Variants in PTPN13 observed in about 807,000 individuals in gnomAD.
The protein encoded by PTPN13 is protein tyrosine phosphatase non-receptor type 13.
PTPN13 carries 191 observed loss-of-function variants against 284.0 expected under a neutral mutation model. That is an observed-to-expected ratio of 0.67 (90% CI 0.60 to 0.76). PTPN13 has a LOEUF of 0.76. PTPN13 is among the 30% of genes least tolerant of loss of function. PTPN13 has a pLI of 0.00. For missense variants in PTPN13, 2,797 were observed against 2,939.9 expected (o/e 0.95, Z 1.12); for synonymous variants, 986 against 1,022.3 (o/e 0.96, Z 0.68).
intron 44 of PTPN13, 54 bp from the exon 45 acceptor site, chr4:86,807,506 C>T (rs1257139632): frequency 5.9e-6 from 8 of 1,360,734 alleles, no homozygotes; most frequent in Non-Finnish European, 7.1e-6. Flanking sequence ...TTGTAAGACT[C>T]TTGTTTAAAA....
intron 17 of PTPN13, 27 bp from the exon 18 acceptor site, chr4:86,750,443 A>C (rs368705447): frequency 1.0e-5 from 16 of 1,572,940 alleles, no homozygotes; most frequent in African/African-American, 1.4e-5. Context: ...CGTTACCATC[A>C]TGTAAAGCAA....
At chr4:86,810,976 T>A in intron 46 of PTPN13, 70 bp from the exon 47 acceptor site, 1 of 1,464,880 alleles carries the variant, frequency 6.8e-7, no homozygotes, top group Non-Finnish European at 9.5e-7. Flanking sequence ...AAGCCTCCCC[T>A]CTGTGATCCT....
intron 23 of PTPN13, among the ~76,000 whole-genome samples, chr4:86,759,645 CAG>C (rs1738431543): frequency 6.6e-6 from 1 of 152,150 alleles, no homozygotes; most frequent in Admixed American, 6.6e-5. Context: ...CAGTGGGAAA[CAG>C]GGAGGGTTGC....
chr4:86,655,373 C>A (rs193149465), intron 2 of PTPN13, among the ~76,000 whole-genome samples: 1 of 152,222 alleles, frequency 6.6e-6, no homozygotes, highest in Non-Finnish European at 1.5e-5. Context: ...TTTGCAGTGG[C>A]TGGTACCGGT....
intron 12 of PTPN13, among the ~76,000 whole-genome samples, chr4:86,733,489 T>A (rs1578525180): frequency 6.6e-6 from 1 of 152,284 alleles, no homozygotes; most frequent in African/African-American, 2.4e-5. Context: ...CCTAAAACTC[T>A]ATAAGCTCTT....
chr4:86,681,063 G>A (rs1728850443), intron 3 of PTPN13, among the ~76,000 whole-genome samples: 2 of 151,904 alleles, frequency 1.3e-5, no homozygotes, highest in South Asian at 4.2e-4. Context: ...CAGGGAATAT[G>A]CACAATGATA....
intron 1 of PTPN13, among the ~76,000 whole-genome samples, chr4:86,613,633 CAAAA>C (rs544971012): frequency 1.1e-4 from 7 of 61,526 alleles, no homozygotes; most frequent in African/African-American, 1.7e-4. Flanking sequence ...GACTCCGTCT[CAAAA>C]AAAAAAAAAA....
chr4:86,787,661 A>T lies in PTPN13; in HGVS notation c.6345+1725A>T, dbSNP rs565908388. Among the ~76,000 whole-genome samples the T allele has an allele frequency of 9.2e-5, 14 of 152,300 alleles. No individual in the cohort carries two copies. In the South Asian group the frequency reaches 2.9e-3, roughly 32 times the overall value. On this transcript the variant is annotated intron_variant, in intron 40 of 47. Transcript: ENST00000411767. ...TCATCTGAGGTAGCTATTGTTAAAA[A>T]TTTTGATTTCTACCTTTCCACTGTG...
intron 2 of PTPN13, among the ~76,000 whole-genome samples, chr4:86,639,881 T>C (rs975587053): frequency 6.6e-6 from 1 of 151,944 alleles, no homozygotes; most frequent in African/African-American, 2.4e-5. Context: ...AATAAGCAAC[T>C]CTGGGGGTGC....
chr4:86,750,630 C>T lies in PTPN13; in HGVS notation c.2811C>T (p.Cys937=). 6.2e-7 allele frequency: 1 copy of T among 1,613,950 alleles called. No homozygotes were observed. The highest frequency in any genetic ancestry group is 8.5e-7 in the Non-Finnish European group (1 of 1,179,876). The change falls in exon 18 of 48, where the codon TGC becomes TGT. Residue 937 remains cysteine, a synonymous_variant. Transcript: ENST00000411767. The part of the protein sequence containing the change: ...VQAEILKRLS[C]SELSLYQPLQ... ...CTGAGATTCTGAAGAGGCTATCCTG[C>T]TCAGAGCTGTCGCTTTACCAGCCAT... is the stretch of plus-strand genomic sequence containing the variant.
At chr4:86,640,711 G>A (rs1723688465) in intron 2 of PTPN13, among the ~76,000 whole-genome samples, 1 of 152,076 alleles carries the variant, frequency 6.6e-6, no homozygotes, top group Non-Finnish European at 1.5e-5. Flanking sequence ...GTACCTAAGG[G>A]TTTTTCCTTG....
intron 1 of PTPN13, among the ~76,000 whole-genome samples, chr4:86,626,524 T>C (rs1005736881): frequency 1.3e-5 from 2 of 152,126 alleles, no homozygotes; most frequent in African/African-American, 4.8e-5. Flanking sequence ...TACTACCTGA[T>C]CTATAACTAC....
chr4:86,708,039 T>C (rs1565376814), intron 7 of PTPN13, among the ~76,000 whole-genome samples: 1 of 152,204 alleles, frequency 6.6e-6, no homozygotes, highest in African/African-American at 2.4e-5. Context: ...TTTAGACCAG[T>C]ATTGTCCAAC....
At chr4:86,630,123 A>T (rs905923074) in intron 1 of PTPN13, among the ~76,000 whole-genome samples, 1 of 152,112 alleles carries the variant, frequency 6.6e-6, no homozygotes, top group African/African-American at 2.4e-5. Flanking sequence ...ACATGCAGAA[A>T]ATTTCAAGGG....
chr4:86,628,576 T>G (rs1353101998), intron 1 of PTPN13, among the ~76,000 whole-genome samples: 2 of 140,548 alleles, frequency 1.4e-5, no homozygotes, highest in Admixed American at 7.3e-5. Context: ...TATGTATACA[T>G]GTGCCATGCT....
intron 1 of PTPN13, among the ~76,000 whole-genome samples, chr4:86,629,815 G>A (rs931314359): frequency 6.6e-6 from 1 of 151,876 alleles, no homozygotes; most frequent in Non-Finnish European, 1.5e-5. Flanking sequence ...CTGGAGTGGA[G>A]TGGTGCAATT....
Position 86,814,457 on chromosome 4 carries a change from A to T in PTPN13, c.7364A>T (p.Asp2455Val). 1 of 1,605,924 alleles carries T rather than the reference A, an allele frequency of 6.2e-7. No individual in the cohort carries two copies. Among genetic ancestry groups the T allele is most frequent in the Non-Finnish European group, 8.5e-7 (1 of 1,173,842 alleles). The part of the protein sequence containing the change: ...LQRHGMVQTE[D>V]QYIFCYQVIL... ...CTATCTCACTTTTTTTGGCCATAGGATCAATATATTTTCTGCTATCAAGTC... is the reference window on the plus strand; with the variant it reads ...CTATCTCACTTTTTTTGGCCATAGGTTCAATATATTTTCTGCTATCAAGTC... The change falls in exon 48 of 48, where the codon GAT (aspartate) becomes GTT (valine). Residue 2455 changes from aspartate (D) to valine (V), a missense_variant and splice_region_variant. By Grantham distance (152) the Asp-to-Val change is radical. Transcript: ENST00000411767.
intron 3 of PTPN13, among the ~76,000 whole-genome samples, chr4:86,681,366 C>T (rs1301636655): frequency 6.6e-6 from 1 of 152,096 alleles, no homozygotes; most frequent in African/African-American, 2.4e-5. Flanking sequence ...GAACATTTGA[C>T]AATATCTGGA....
intron 1 of PTPN13, among the ~76,000 whole-genome samples, chr4:86,597,405 TTTTG>T (rs1160669946): frequency 6.6e-6 from 1 of 151,542 alleles, no homozygotes; most frequent in Non-Finnish European, 1.5e-5. Context: ...ACCTAGCTAA[TTTTG>T]TTTATTTTAT....
Sources: gnomAD v4.1 joint callset for allele counts (sites outside exome capture counted in the v4.1 genomes callset) on GRCh38, gnomAD v4.1.1 for gene constraint, MANE v1.5 for transcripts, NCBI Gene and HGNC (gene_info 2026-07-23, HGNC 2026-07-21) for gene names.